CTDSPL2: variants seen among roughly 807,000 people sequenced by gnomAD.
The protein encoded by CTDSPL2 is CTD small phosphatase like 2, also known as CTD small phosphatase-like protein 2.
A neutral mutation model predicts 60.0 loss-of-function variants in CTDSPL2; 5 were observed. That is an observed-to-expected ratio of 0.08 (90% confidence interval 0.04 to 0.18). The LOEUF (loss-of-function observed/expected upper bound fraction) is 0.18. Among genes scored for constraint, CTDSPL2 ranks in the 10% least tolerant of loss-of-function variants. CTDSPL2 has a pLI of 1.00. For synonymous variants in CTDSPL2, 186 were observed against 189.3 expected (o/e 0.98, Z 0.14); for missense variants, 370 against 548.8 (o/e 0.67, Z 3.26).
chr15:44,451,643 T>C (rs1321049742), intron 1 of CTDSPL2, among the ~76,000 whole-genome samples: 1 of 152,166 alleles, frequency 6.6e-6, no homozygotes, highest in Non-Finnish European at 1.5e-5. Context: ...TGTCTTATAA[T>C]TTTTTGTTGA....
intron 8 of CTDSPL2, among the ~76,000 whole-genome samples, chr15:44,508,123 C>G (rs1358952318): frequency 1.3e-5 from 2 of 151,320 alleles, no homozygotes; most frequent in Non-Finnish European, 2.9e-5. Context: ...CATTCTGCCA[C>G]CCAGGCTAGA....
chr15:44,456,107 C>T (rs2140683649), intron 1 of CTDSPL2, among the ~76,000 whole-genome samples: 1 of 152,120 alleles, frequency 6.6e-6, no homozygotes, highest in South Asian at 2.1e-4. Flanking sequence ...GCCTCGGCCT[C>T]CCAAAGTGCT....
intron 1 of CTDSPL2, among the ~76,000 whole-genome samples, chr15:44,440,338 G>A (rs529699550): frequency 3.3e-5 from 5 of 151,986 alleles, no homozygotes; most frequent in African/African-American, 1.2e-4. Flanking sequence ...TGGGATTACA[G>A]GTGCGCACCA....
At chr15:44,433,170 C>T (rs2079896235) in intron 1 of CTDSPL2, among the ~76,000 whole-genome samples, 1 of 151,154 alleles carries the variant, frequency 6.6e-6, no homozygotes, top group Non-Finnish European at 1.5e-5. Context: ...CAAAAATTAG[C>T]TGGGCATGGT....
At chr15:44,473,772 A>G (rs775066903) in intron 2 of CTDSPL2, among the ~76,000 whole-genome samples, 17 of 152,278 alleles carry the variant, frequency 1.1e-4, no homozygotes, top group Admixed American at 2.6e-4. Context: ...CTGCCCAGCT[A>G]TTTCACCGTC....
At chr15:44,488,342 A>G (rs1176718951) in intron 4 of CTDSPL2, among the ~76,000 whole-genome samples, 3 of 152,170 alleles carry the variant, frequency 2.0e-5, no homozygotes, top group African/African-American at 7.2e-5. Flanking sequence ...TAGAGAAGAC[A>G]GGAAGGATCA....
intron 1 of CTDSPL2, among the ~76,000 whole-genome samples, chr15:44,456,260 T>C (rs902622535): frequency 3.9e-5 from 6 of 152,220 alleles, no homozygotes; most frequent in African/African-American, 1.4e-4. Context: ...CCTCATAAAA[T>C]GAGTTCGGGA....
chr15:44,494,560 T>G (rs937584337), intron 5 of CTDSPL2, among the ~76,000 whole-genome samples: 1 of 151,910 alleles, frequency 6.6e-6, no homozygotes, highest in African/African-American at 2.4e-5. Flanking sequence ...TTTGCTCCAC[T>G]GTGCTCCAGC....
intron 2 of CTDSPL2, among the ~76,000 whole-genome samples, chr15:44,467,875 C>T (rs145608568): frequency 2.6e-5 from 4 of 152,062 alleles, no homozygotes; most frequent in Non-Finnish European, 5.9e-5. Context: ...GTGGCAGGCC[C>T]CTCTTATTCT....
At chr15:44,494,559 C>T (rs928894246) in intron 5 of CTDSPL2, among the ~76,000 whole-genome samples, 3 of 151,924 alleles carry the variant, frequency 2.0e-5, no homozygotes, top group African/African-American at 7.3e-5. Context: ...GTTTGCTCCA[C>T]TGTGCTCCAG....
intron 2 of CTDSPL2, among the ~76,000 whole-genome samples, chr15:44,477,547 A>AG (rs1245315784): frequency 1.3e-5 from 2 of 149,780 alleles, no homozygotes; most frequent in African/African-American, 4.9e-5. Context: ...TAAAAAAAAA[A>AG]AAGTACTTGC....
intron 4 of CTDSPL2, among the ~76,000 whole-genome samples, chr15:44,488,419 A>T (rs1455754635): frequency 6.6e-6 from 1 of 152,210 alleles, no homozygotes; most frequent in African/African-American, 2.4e-5. Flanking sequence ...TGAAGATGGC[A>T]CAAGAGTAGA....
rs1304727855 is a variant in CTDSPL2, at chr15:44,484,418, C to T, written c.325+56C>T. The T allele has an allele frequency of 2.7e-6, 4 of 1,482,858 alleles. No homozygotes were observed. The Admixed American group carries it at 5.5e-5, about 20-fold the overall frequency. The allele number at this position is 1,482,858 out of a possible 1,614,324, so 91.9% of individuals were successfully genotyped here. On this transcript the variant is annotated intron_variant, in intron 3 of 12. Transcript: ENST00000260327. ...AGGTGTAAGCAGAGATCTCACCTGA[C>T]ACATTTCTTATCTATTTTTAAAACT...
intron 10 of CTDSPL2, chr15:44,517,272 AG>A (rs2081671200): frequency 6.7e-6 from 1 of 148,928 alleles, no homozygotes; most frequent in South Asian, 2.1e-4. Flanking sequence ...GCACTTTGGG[AG>A]GCCAAGGCAG....
chr15:44,467,802 T>G (rs1273728011), intron 2 of CTDSPL2, among the ~76,000 whole-genome samples: 1 of 152,216 alleles, frequency 6.6e-6, no homozygotes, highest in Non-Finnish European at 1.5e-5. Flanking sequence ...CTTGAACTCC[T>G]GACCTCAAGT....
Position 44,486,732 on chromosome 15 carries a change from T to G in CTDSPL2, c.475+32T>G, listed in dbSNP as rs1477590201. On this transcript the variant is annotated intron_variant, in intron 4 of 12. Transcript: ENST00000260327. ...ATAAACTGTTAACTGTGATTTGGATTTTTTTTAAAAAAATGCATAGTTTGG... is the reference window on the plus strand; with the variant it reads ...ATAAACTGTTAACTGTGATTTGGATGTTTTTTAAAAAAATGCATAGTTTGG... 2.1e-6 allele frequency: 3 copies of G among 1,440,948 alleles called. No homozygotes were observed. In the African/African-American group the frequency reaches 4.5e-5, roughly 21 times the overall value. 89.3% of individuals were successfully genotyped at this position (1,440,948 alleles called of 1,614,324 possible). A position where few individuals can be genotyped will look rare whatever the true frequency, so the allele number is the denominator to read the frequency against.
chr15:44,451,749 G>GA (rs1216737896), intron 1 of CTDSPL2, among the ~76,000 whole-genome samples: 9 of 152,082 alleles, frequency 5.9e-5, no homozygotes, highest in African/African-American at 1.9e-4. Flanking sequence ...TCCATGGGCA[G>GA]AAAAAAATCT....
intron 8 of CTDSPL2, chr15:44,501,897 G>A (rs1021876569): frequency 9.0e-5 from 38 of 422,986 alleles, no homozygotes; most frequent in African/African-American, 7.4e-4. Context: ...TTGGGTTAGG[G>A]TTCCCCCAGT....
intron 12 of CTDSPL2, among the ~76,000 whole-genome samples, chr15:44,521,710 G>A (rs1488734044): frequency 4.0e-5 from 6 of 151,588 alleles, no homozygotes; most frequent in African/African-American, 7.3e-5. Context: ...AGGCCGAGGC[G>A]GGCGGATCAC....
Sources: gnomAD v4.1 joint callset for allele counts (sites outside exome capture counted in the v4.1 genomes callset) on GRCh38, gnomAD v4.1.1 for gene constraint, MANE v1.5 for transcripts, NCBI Gene and HGNC (gene_info 2026-07-23, HGNC 2026-07-21) for gene names.